Variants in FLI1 observed in about 807,000 individuals in gnomAD.
The protein encoded by FLI1 is Friend leukemia integration 1 transcription factor.
In FLI1, 13 loss-of-function variants were observed where a neutral mutation model predicts 53.1. The observed-to-expected ratio is 0.24, with a 90% CI of 0.16 to 0.39. The LOEUF (loss-of-function observed/expected upper bound fraction) is 0.39, where lower values mean the gene tolerates loss of function less well. FLI1 is among the 10% of genes least tolerant of loss of function. The pLI is 1.00. For missense variants in FLI1, 424 were observed against 600.5 expected (o/e 0.71, Z 3.07); for synonymous variants, 244 against 236.7 (o/e 1.03, Z -0.28).
intron 1 of FLI1, among the ~76,000 whole-genome samples, chr11:128,746,893 C>T (rs1188485392): frequency 6.6e-6 from 1 of 152,174 alleles, no homozygotes; most frequent in African/African-American, 2.4e-5. Context: ...CCACATTGAC[C>T]CAGCTGGTGG....
chr11:128,783,536 A>G (rs1300916413), intron 5 of FLI1, among the ~76,000 whole-genome samples: 1 of 152,142 alleles, frequency 6.6e-6, no homozygotes, highest in African/African-American at 2.4e-5. Flanking sequence ...CTGAATTTCT[A>G]TGGATTCATT....
chr11:128,793,602 C>A (rs1348468104), intron 5 of FLI1, among the ~76,000 whole-genome samples: 2 of 152,196 alleles, frequency 1.3e-5, no homozygotes, highest in African/African-American at 4.8e-5. Flanking sequence ...CCAGGCCAGG[C>A]ACTGCTCCTG....
chr11:128,715,946 T>C (rs1435137432), intron 1 of FLI1, among the ~76,000 whole-genome samples: 1 of 152,228 alleles, frequency 6.6e-6, no homozygotes, highest in Non-Finnish European at 1.5e-5. Context: ...AGGTTTGTGA[T>C]GTAGGCACAG....
intron 5 of FLI1, 142 bp downstream of exon 5, chr11:128,782,165 G>C: frequency 2.9e-6 from 2 of 679,926 alleles, no homozygotes; most frequent in East Asian, 2.6e-5. Context: ...CAAAATTTTC[G>C]CCACTTGTGC....
chr11:128,751,551 G>A (rs2135795458), intron 1 of FLI1, among the ~76,000 whole-genome samples: 1 of 151,428 alleles, frequency 6.6e-6, no homozygotes, highest in Admixed American at 6.6e-5. Flanking sequence ...TTTTGAGACG[G>A]AGTCTCGCTC....
chr11:128,685,759 A>G (rs1865790463), upstream of FLI1, among the ~76,000 whole-genome samples: 1 of 151,674 alleles, frequency 6.6e-6, no homozygotes, highest in Non-Finnish European at 1.5e-5. Context: ...GTGGGGAGAA[A>G]AGTGCTTTAT....
intron 1 of FLI1, among the ~76,000 whole-genome samples, chr11:128,757,291 G>A (rs1940931300): frequency 6.6e-6 from 1 of 151,992 alleles, no homozygotes; most frequent in East Asian, 1.9e-4. Flanking sequence ...TCACACCCAA[G>A]TCAGTGATGG....
intron 1 of FLI1, chr11:128,686,735 A>AC (rs1865810645): frequency 1.0e-5 from 3 of 298,038 alleles, no homozygotes. Flanking sequence ...ACAGGTGATG[A>AC]CCCCCAGCTT....
intron 5 of FLI1, among the ~76,000 whole-genome samples, chr11:128,785,557 T>C (rs1451291724): frequency 3.9e-5 from 6 of 152,166 alleles, no homozygotes; most frequent in Admixed American, 6.5e-5. Flanking sequence ...AGCCTAAATG[T>C]AACTTGGGCA....
chr11:128,695,097 C>T (rs1235738557), intron 1 of FLI1, among the ~76,000 whole-genome samples: 1 of 152,142 alleles, frequency 6.6e-6, no homozygotes, highest in South Asian at 2.1e-4. Flanking sequence ...CCTTCGGAGC[C>T]GCCTCCGTTG....
intron 1 of FLI1, among the ~76,000 whole-genome samples, chr11:128,735,764 C>G (rs191178675): frequency 2.0e-5 from 3 of 152,338 alleles, no homozygotes; most frequent in South Asian, 2.1e-4. Context: ...AGCCTCCCCC[C>G]ACCTTTAGAT....
chr11:128,743,041 T>C (rs888923453), intron 1 of FLI1, among the ~76,000 whole-genome samples: 3 of 152,064 alleles, frequency 2.0e-5, no homozygotes, highest in Non-Finnish European at 4.4e-5. Context: ...CAACCTATAA[T>C]GAACATGGGA....
intron 1 of FLI1, among the ~76,000 whole-genome samples, chr11:128,720,962 A>AC (rs1011457172): frequency 4.6e-5 from 7 of 151,706 alleles, no homozygotes; most frequent in African/African-American, 1.7e-4. Flanking sequence ...GCCTCTGGCC[A>AC]CCCCCGGCCC....
intron 1 of FLI1, among the ~76,000 whole-genome samples, chr11:128,715,564 T>A (rs1938974836): frequency 6.6e-6 from 1 of 152,168 alleles, no homozygotes; most frequent in Non-Finnish European, 1.5e-5. Flanking sequence ...AAGGGTCATT[T>A]TATTATCTCC....
chr11:128,700,141 C>T (rs774818836), intron 1 of FLI1, among the ~76,000 whole-genome samples: 1 of 152,166 alleles, frequency 6.6e-6, no homozygotes, highest in African/African-American at 2.4e-5. Context: ...TTTATGTAGT[C>T]CCTTTCATAA....
intron 1 of FLI1, among the ~76,000 whole-genome samples, chr11:128,718,423 G>A (rs886164479): frequency 3.4e-5 from 5 of 148,812 alleles, no homozygotes; most frequent in African/African-American, 7.5e-5. Flanking sequence ...ATACGGGAAT[G>A]AGTCTCCCCA....
chr11:128,704,027 C>T (rs1938453471), intron 1 of FLI1, among the ~76,000 whole-genome samples: 1 of 152,030 alleles, frequency 6.6e-6, no homozygotes, highest in African/African-American at 2.4e-5. Context: ...CCAGCCCCAG[C>T]TCTATCCCAA....
Position 128,721,942 on chromosome 11 carries a change from T to A in FLI1, c.18+27666T>A, listed in dbSNP as rs574277972. 3.9e-5 allele frequency among the ~76,000 whole-genome samples: 6 copies of A among 152,252 alleles called. No homozygotes were observed. In the South Asian group the frequency reaches 1.2e-3, roughly 32 times the overall value. On this transcript the variant is annotated intron_variant, in intron 1 of 8. Coordinates refer to ENST00000527786, the MANE Select transcript of FLI1 (RefSeq NM_002017.5). The stretch of plus-strand genomic sequence containing the variant: ...TCCTGCCTAAGAAGGCCCCACTAAG[T>A]GGCTAGAGTCAGAGGCTCCCTGGTC...
chr11:128,704,140 G>T (rs769155089), intron 1 of FLI1, among the ~76,000 whole-genome samples: 1 of 152,154 alleles, frequency 6.6e-6, no homozygotes, highest in Non-Finnish European at 1.5e-5. Context: ...TTTGCTTTCA[G>T]CTCTCATGTT....
Sources: gnomAD v4.1 joint callset for allele counts (sites outside exome capture counted in the v4.1 genomes callset) on GRCh38, gnomAD v4.1.1 for gene constraint, MANE v1.5 for transcripts, NCBI Gene and HGNC (gene_info 2026-07-23, HGNC 2026-07-21) for gene names.